Variants in INTU observed in about 807,000 individuals in gnomAD.
The protein encoded by INTU is inturned planar cell polarity protein.
In INTU, 68 loss-of-function variants were observed where a neutral mutation model predicts 100.5. The observed-to-expected ratio is 0.68, with a 90% CI of 0.56 to 0.83. The LOEUF (loss-of-function observed/expected upper bound fraction) is 0.83, where lower values mean the gene tolerates loss of function less well. Among genes scored for constraint, INTU ranks in the 40% least tolerant of loss-of-function variants. The pLI, the probability that INTU is intolerant of heterozygous loss-of-function variation, is 0.00. For missense variants in INTU, 1,071 were observed against 1,114.7 expected (o/e 0.96, Z 0.56); for synonymous variants, 357 against 395.7 (o/e 0.90, Z 1.16).
At chr4:127,691,514 A>T (rs965716581) in intron 8 of INTU, among the ~76,000 whole-genome samples, 2 of 152,054 alleles carry the variant, frequency 1.3e-5, no homozygotes, top group Non-Finnish European at 2.9e-5. Flanking sequence ...TGATGACCAT[A>T]TGATGTGGAA....
At chr4:127,676,894 C>T (rs1307775171) in intron 6 of INTU, among the ~76,000 whole-genome samples, 7 of 152,148 alleles carry the variant, frequency 4.6e-5, no homozygotes, top group Admixed American at 4.6e-4. Flanking sequence ...TCACTCCCAC[C>T]CCAATACTGC....
chr4:127,716,266 A>G (rs1276872970), intron 15 of INTU, 59 bp from the exon 16 acceptor site: 1 of 743,236 alleles, frequency 1.3e-6, no homozygotes. Flanking sequence ...TTGGATGGTT[A>G]GAGTTTTTGT....
At chr4:127,663,694 C>A in intron 4 of INTU, 110 bp downstream of exon 4, 1 of 763,214 alleles carries the variant, frequency 1.3e-6, no homozygotes, top group Non-Finnish European at 2.1e-6. Context: ...TTGATTTAAG[C>A]AAGAGACAAA....
intron 10 of INTU, 123 bp from the exon 11 acceptor site, chr4:127,705,468 A>G (rs1730836685): frequency 1.4e-6 from 1 of 727,546 alleles, no homozygotes; most frequent in Admixed American, 2.5e-5. Context: ...ATCTTCATTT[A>G]CCCCATTTGA....
chr4:127,686,939 TCC>T (rs1186293010), intron 7 of INTU: 1 of 152,238 alleles, frequency 6.6e-6, no homozygotes, highest in African/African-American at 2.4e-5. Flanking sequence ...AGTGAGCTGT[TCC>T]AATAAATGCT....
Position 127,691,962 on chromosome 4 carries a change from G to GTGTGTATA in INTU, c.1449+4096_1449+4097insGTGTATAT. ...GGCGGAGTATAGTGTTCCATGGTATGTATATATATATATATATATGTCACA... is the reference window on the plus strand; with the variant it reads ...GGCGGAGTATAGTGTTCCATGGTATGTGTGTATATATATATATATATATATATGTCACA... On this transcript the variant is annotated intron_variant, in intron 8 of 15. Coordinates refer to ENST00000335251, the MANE Select transcript of INTU (RefSeq NM_015693.4). Among the ~76,000 whole-genome samples, 9 of 98,254 alleles carry GTGTGTATA rather than the reference G, an allele frequency of 9.2e-5. No homozygotes were observed. In the East Asian group the frequency reaches 1.8e-3, roughly 20 times the overall value. The allele number at this position is 98,254 out of a possible 152,430, so 64.5% of individuals were successfully genotyped here.
At chr4:127,680,043 G>C (rs1729448786) in intron 6 of INTU, among the ~76,000 whole-genome samples, 1 of 151,908 alleles carries the variant, frequency 6.6e-6, no homozygotes, top group African/African-American at 2.4e-5. Flanking sequence ...ACCCTCCCAA[G>C]ACTAAACCAG....
chr4:127,651,529 A>C (rs1354497727), intron 2 of INTU, among the ~76,000 whole-genome samples: 1 of 152,192 alleles, frequency 6.6e-6, no homozygotes, highest in Non-Finnish European at 1.5e-5. Context: ...TGATAGTTGT[A>C]GATAAGCGGC....
At chr4:127,655,177 C>T (rs905809505) in intron 2 of INTU, among the ~76,000 whole-genome samples, 1 of 151,762 alleles carries the variant, frequency 6.6e-6, no homozygotes, top group South Asian at 2.1e-4. Flanking sequence ...AATGTCCTCT[C>T]GTAGCTCAGA....
intron 9 of INTU, among the ~76,000 whole-genome samples, chr4:127,703,482 C>G (rs1180917558): frequency 6.6e-6 from 1 of 152,100 alleles, no homozygotes; most frequent in Non-Finnish European, 1.5e-5. Flanking sequence ...ACACACAAAC[C>G]AACACACATG....
intron 3 of INTU, among the ~76,000 whole-genome samples, chr4:127,658,280 A>G (rs1019772440): frequency 6.6e-6 from 1 of 152,242 alleles, no homozygotes; most frequent in Admixed American, 6.5e-5. Context: ...TGGAATAACT[A>G]TGGTAGCTGA....
intron 1 of INTU, among the ~76,000 whole-genome samples, chr4:127,637,422 T>C (rs1727120737): frequency 1.3e-5 from 2 of 152,244 alleles, no homozygotes; most frequent in Admixed American, 6.5e-5. Context: ...CTGTTCATTA[T>C]TGAAAATGAT....
chr4:127,681,435 C>G (rs1472650331), intron 6 of INTU, among the ~76,000 whole-genome samples: 2 of 152,162 alleles, frequency 1.3e-5, no homozygotes, highest in Non-Finnish European at 2.9e-5. Context: ...ACAGAGCCCT[C>G]AGAAATAATG....
At chr4:127,695,916 T>C (rs1467065530) in intron 8 of INTU, among the ~76,000 whole-genome samples, 1 of 152,236 alleles carries the variant, frequency 6.6e-6, no homozygotes, top group Non-Finnish European at 1.5e-5. Context: ...TATTGGATTT[T>C]ATCAAATGCT....
At chr4:127,665,753 CA>C (rs922246564) in intron 4 of INTU, among the ~76,000 whole-genome samples, 4 of 152,262 alleles carry the variant, frequency 2.6e-5, no homozygotes, top group African/African-American at 9.6e-5. Flanking sequence ...AGAGAGAAGG[CA>C]GGCAGTATCA....
chr4:127,691,687 C>T (rs925899050), intron 8 of INTU, among the ~76,000 whole-genome samples: 1 of 151,764 alleles, frequency 6.6e-6, no homozygotes, highest in Admixed American at 6.6e-5. Flanking sequence ...TTTTGGTCCA[C>T]CCATCACCCA....
intron 1 of INTU, among the ~76,000 whole-genome samples, chr4:127,636,126 C>T (rs1221968957): frequency 6.6e-6 from 1 of 151,986 alleles, no homozygotes; most frequent in Non-Finnish European, 1.5e-5. Context: ...AAAAATTAGC[C>T]AGGCATGATG....
At chr4:127,640,472 A>G (rs527912153) in intron 1 of INTU, among the ~76,000 whole-genome samples, 1 of 148,872 alleles carries the variant, frequency 6.7e-6, no homozygotes, top group Admixed American at 6.7e-5. Flanking sequence ...AGAAATCTAG[A>G]CATTAAGAGA....
chr4:127,670,005 T>C (rs1281277688), intron 5 of INTU, among the ~76,000 whole-genome samples: 7 of 151,880 alleles, frequency 4.6e-5, no homozygotes, highest in Non-Finnish European at 1.0e-4. Flanking sequence ...TGAGCAACAT[T>C]GATGTCAAAT....
Sources: allele counts gnomAD v4.1 joint callset (sites outside exome capture counted in the v4.1 genomes callset), GRCh38; gene constraint gnomAD v4.1.1; transcripts MANE v1.5; gene names NCBI Gene and HGNC (gene_info 2026-07-23, HGNC 2026-07-21).